HACE1: variants seen among roughly 807,000 people sequenced by gnomAD.
The protein encoded by HACE1 is E3 ubiquitin-protein ligase HACE1.
In HACE1, 73 loss-of-function variants were observed where a neutral mutation model predicts 118.4. The observed-to-expected ratio is 0.62, with a 90% confidence interval of 0.51 to 0.75. The LOEUF is 0.75. Among genes scored for constraint, HACE1 ranks in the 30% least tolerant of loss-of-function variants. The pLI, the probability that HACE1 is intolerant of heterozygous loss-of-function variation, is 0.00. For synonymous variants in HACE1, 368 were observed against 374.8 expected (o/e 0.98, Z 0.21); for missense variants, 749 against 1,102.2 (o/e 0.68, Z 4.54).
intron 22 of HACE1, among the ~76,000 whole-genome samples, chr6:104,735,771 A>G (rs1775763454): frequency 6.6e-6 from 1 of 152,210 alleles, no homozygotes; most frequent in South Asian, 2.1e-4. Context: ...TCTCATACAC[A>G]AAAATATCCT....
Position 104,745,455 on chromosome 6 carries a change from C to CTTTTTTTTTTTTTT in HACE1, c.2344-846_2344-845insAAAAAAAAAAAAAA, listed in dbSNP as rs370049285. 6.7e-4 allele frequency among the ~76,000 whole-genome samples: 89 copies of CTTTTTTTTTTTTTT among 131,976 alleles called. 4 individuals are homozygous for CTTTTTTTTTTTTTT. Among genetic ancestry groups the CTTTTTTTTTTTTTT allele is most frequent in the African/African-American group, 1.0e-3 (33 of 32,336 alleles). The allele number at this position is 131,976 out of a possible 152,430, so 86.6% of individuals were successfully genotyped here. On this transcript the variant is annotated intron_variant, in intron 20 of 23. Coordinates refer to ENST00000262903, the MANE Select transcript of HACE1 (RefSeq NM_020771.4). Reference sequence around the variant, plus strand: ...TGATGATTCAGAATATCAGGATTTCCTTTTTTTTTGAGACCGAGTCTGGCT... The same window carrying CTTTTTTTTTTTTTT: ...TGATGATTCAGAATATCAGGATTTCCTTTTTTTTTTTTTTTTTTTTTTTGAGACCGAGTCTGGCT...
chr6:104,833,189 G>C lies in HACE1; in HGVS notation c.403-16C>G. Reference sequence around the variant, plus strand: ...GCCAATGTATCTGTGAAGCCATTTAGTTACTTAACATTTGTGTAATAGTGT... The same window carrying C: ...GCCAATGTATCTGTGAAGCCATTTACTTACTTAACATTTGTGTAATAGTGT... On this transcript the variant is annotated splice_polypyrimidine_tract_variant and intron_variant, in intron 5 of 23. Transcript: ENST00000262903. 3.1e-6 allele frequency: 5 copies of C among 1,610,304 alleles called. No homozygotes were observed. The highest frequency in any genetic ancestry group is 4.2e-6 in the Non-Finnish European group (5 of 1,176,604).
intron 19 of HACE1, among the ~76,000 whole-genome samples, chr6:104,756,226 C>T (rs915923418): frequency 1.3e-5 from 2 of 151,706 alleles, no homozygotes; most frequent in Non-Finnish European, 2.9e-5. Context: ...GCTGGGCCAG[C>T]ATGGTGAAAC....
intron 19 of HACE1, among the ~76,000 whole-genome samples, chr6:104,758,036 T>C (rs1445672622): frequency 1.3e-5 from 2 of 151,942 alleles, no homozygotes; most frequent in Non-Finnish European, 2.9e-5. Flanking sequence ...CTCCAAGAAA[T>C]ATGGGACTAT....
At chr6:104,738,627 A>G (rs1351903357) in intron 22 of HACE1, among the ~76,000 whole-genome samples, 1 of 149,426 alleles carries the variant, frequency 6.7e-6, no homozygotes, top group Non-Finnish European at 1.5e-5. Context: ...AAAAAAGAAT[A>G]AAAAGAAATG....
intron 1 of HACE1, among the ~76,000 whole-genome samples, chr6:104,857,149 A>G (rs1776798921): frequency 6.7e-6 from 1 of 148,586 alleles, no homozygotes; most frequent in Non-Finnish European, 1.5e-5. Context: ...GGAATGTTAT[A>G]TATATATTTA....
chr6:104,773,744 T>C (rs1483275508), intron 17 of HACE1, among the ~76,000 whole-genome samples: 1 of 149,820 alleles, frequency 6.7e-6, no homozygotes, highest in Non-Finnish European at 1.5e-5. Context: ...TCTAGATGCT[T>C]AAAAAGAATA....
intron 2 of HACE1, 81 bp downstream of exon 2, chr6:104,852,232 CGCGT>C (rs1188686850): frequency 2.8e-5 from 15 of 539,696 alleles, no homozygotes; most frequent in East Asian, 1.9e-4. Flanking sequence ...TGTGTGTGCG[CGCGT>C]GCGCGTGCAC....
rs1375295265 is a variant in HACE1, at chr6:104,750,455, A to G, written c.2229T>C (p.Leu743=). The change falls in exon 20 of 24, where the codon CTT becomes CTC. Residue 743 remains leucine (L), a synonymous_variant. Coordinates refer to ENST00000262903, the MANE Select transcript of HACE1 (RefSeq NM_020771.4). ...TQNNKAEYVQ[L]VTELRMTRAI... ...CTCTTGTCATTCGAAGTTCAGTAAC[A>G]AGCTGGACGTACTCCGCCTGTTGAA... The G allele has an allele frequency of 6.2e-7, 1 of 1,613,746 alleles. No individual in the cohort carries two copies. The highest frequency in any genetic ancestry group is 2.2e-5 in the East Asian group (1 of 44,844).
chr6:104,738,268 C>T (rs1442309395), intron 22 of HACE1, among the ~76,000 whole-genome samples: 5 of 152,206 alleles, frequency 3.3e-5, no homozygotes, highest in South Asian at 2.1e-4. Context: ...TGCCTCTCCT[C>T]CTCCAAAGGA....
intron 20 of HACE1, among the ~76,000 whole-genome samples, chr6:104,745,209 G>A (rs2114519988): frequency 6.6e-6 from 1 of 152,220 alleles, no homozygotes; most frequent in African/African-American, 2.4e-5. Flanking sequence ...TTTTCCTAAT[G>A]ACTTGATAGG....
At chr6:104,763,519 A>G (rs1187594220) in intron 19 of HACE1, among the ~76,000 whole-genome samples, 3 of 151,978 alleles carry the variant, frequency 2.0e-5, no homozygotes, top group Non-Finnish European at 4.4e-5. Flanking sequence ...TGACATCACC[A>G]TTATTCCTGA....
intron 3 of HACE1, 133 bp downstream of exon 3, chr6:104,850,774 G>A (rs964705486): frequency 9.2e-6 from 7 of 763,272 alleles, no homozygotes; most frequent in Non-Finnish European, 1.7e-5. Flanking sequence ...CACACCACGC[G>A]CTCAAACAGG....
chr6:104,786,102 AG>A lies in HACE1; in HGVS notation c.1075-784del, dbSNP rs771501264. The A allele has an allele frequency of 2.6e-5, 4 of 152,244 alleles. No homozygotes were observed. In the East Asian group the frequency reaches 5.8e-4, roughly 22 times the overall value. 9.4% of individuals were successfully genotyped at this position (152,244 alleles called of 1,614,324 possible). A position where few individuals can be genotyped will look rare whatever the true frequency, so the allele number is the denominator to read the frequency against. ...GTAATCCCAGCACTTTGGGAGGCCGAGGTGGGTAGATCACTTGAGGTCAGGA... is the reference window on the plus strand; with the variant it reads ...GTAATCCCAGCACTTTGGGAGGCCGAGTGGGTAGATCACTTGAGGTCAGGA... On this transcript the variant is annotated intron_variant, in intron 11 of 23. Transcript: ENST00000262903.
At chr6:104,776,946 T>C (rs181527692) in intron 16 of HACE1, 67 bp downstream of exon 16, 76 of 1,309,908 alleles carry the variant, frequency 5.8e-5, no homozygotes, top group Non-Finnish European at 8.0e-5. Flanking sequence ...TATTAAACTT[T>C]ATTCAAAAGG....
At chr6:104,825,365 G>T (rs938381261) in intron 6 of HACE1, among the ~76,000 whole-genome samples, 56 of 152,234 alleles carry the variant, frequency 3.7e-4, no homozygotes, top group African/African-American at 1.3e-3. Flanking sequence ...CAACCAATCA[G>T]ACGTTTGCAT....
intron 7 of HACE1, among the ~76,000 whole-genome samples, chr6:104,798,974 C>CTTATAG (rs1467667266): frequency 2.0e-5 from 3 of 152,280 alleles, no homozygotes; most frequent in African/African-American, 7.2e-5. Flanking sequence ...TGGCAGTTGT[C>CTTATAG]TTATAGCATG....
rs1390014728 is a variant in HACE1 at position 104,729,455 on chromosome 6, T to C, written c.*207A>G. The C allele has an allele frequency of 6.9e-6, 4 of 575,824 alleles. No homozygotes were observed. The East Asian group carries it at 8.8e-5, about 13-fold the overall frequency. 35.7% of individuals were successfully genotyped at this position (575,824 alleles called of 1,614,324 possible). A position where few individuals can be genotyped will look rare whatever the true frequency, so the allele number is the denominator to read the frequency against. On this transcript the variant is annotated 3_prime_UTR_variant, in exon 24 of 24. Coordinates refer to ENST00000262903, the MANE Select transcript of HACE1 (RefSeq NM_020771.4). ...GCATTTTAAAAAATAAAATCTACTG[T>C]GATTTTATATTTTCTAATTGTATCA...
At chr6:104,811,249 T>C (rs1341870074) in intron 7 of HACE1, 62 bp downstream of exon 7, 1 of 143,130 alleles carries the variant, frequency 7.0e-6, no homozygotes, top group Non-Finnish European at 1.2e-5. Context: ...TATTTATACA[T>C]ATATATATAT....
Sources: gnomAD v4.1 joint callset for allele counts (sites outside exome capture counted in the v4.1 genomes callset) on GRCh38, gnomAD v4.1.1 for gene constraint, MANE v1.5 for transcripts, NCBI Gene and HGNC (gene_info 2026-07-23, HGNC 2026-07-21) for gene names.